Variants in KCNMB2 observed in about 807,000 individuals in gnomAD.
The protein encoded by KCNMB2 is calcium-activated potassium channel subunit beta-2.
A neutral mutation model predicts 24.5 loss-of-function variants in KCNMB2; 9 were observed. The ratio of observed to expected loss-of-function variants is 0.37; its 90% confidence interval spans 0.22 to 0.64. KCNMB2 has a LOEUF of 0.64. KCNMB2 is among the 30% of genes least tolerant of loss of function. The pLI is 0.63. For missense variants in KCNMB2, 226 were observed against 284.3 expected (o/e 0.79, Z 1.47); for synonymous variants, 109 against 104.4 (o/e 1.04, Z -0.27).
At chr3:178,797,203 G>C (rs1303823387) in intron 1 of KCNMB2, among the ~76,000 whole-genome samples, 1 of 151,994 alleles carries the variant, frequency 6.6e-6, no homozygotes, top group Non-Finnish European at 1.5e-5. Flanking sequence ...CTCAAAACCT[G>C]AATAGACCAA....
chr3:178,689,259 A>AT lies in KCNMB2; in HGVS notation c.-67-118078dup, dbSNP rs567229203. 3.7e-3 allele frequency among the ~76,000 whole-genome samples: 562 copies of AT among 152,262 alleles called. 3 individuals carry two copies. Among genetic ancestry groups the AT allele is most frequent in the African/African-American group, 0.013 (541 of 41,536 alleles). ...TATAATCCTGGACTTTTAATACCATATTTTTTATCTCATTTTATGGAACTT... is the reference window on the plus strand; with the variant it reads ...TATAATCCTGGACTTTTAATACCATATTTTTTTATCTCATTTTATGGAACTT... On this transcript the variant is annotated intron_variant, in intron 1 of 4. Coordinates refer to ENST00000452583, the MANE Select transcript of KCNMB2 (RefSeq NM_181361.3).
chr3:178,618,951 A>AT (rs1301296222), intron 1 of KCNMB2, among the ~76,000 whole-genome samples: 1 of 152,072 alleles, frequency 6.6e-6, no homozygotes, highest in Non-Finnish European at 1.5e-5. Context: ...GGGAATACAA[A>AT]TCACCTGTCC....
chr3:178,755,353 G>A (rs1377866662), intron 1 of KCNMB2, among the ~76,000 whole-genome samples: 1 of 152,184 alleles, frequency 6.6e-6, no homozygotes, highest in African/African-American at 2.4e-5. Flanking sequence ...CCACACTGGG[G>A]GTGGGAAGCA....
At chr3:178,573,867 A>C (rs1227963949) in intron 1 of KCNMB2, among the ~76,000 whole-genome samples, 2 of 152,060 alleles carry the variant, frequency 1.3e-5, no homozygotes, top group African/African-American at 4.8e-5. Context: ...GAAAAATGTA[A>C]GGCATTCACT....
chr3:178,750,030 G>C (rs1458655532), intron 1 of KCNMB2, among the ~76,000 whole-genome samples: 1 of 152,200 alleles, frequency 6.6e-6, no homozygotes, highest in Non-Finnish European at 1.5e-5. Flanking sequence ...AAGTAAGTAT[G>C]TTGTGTGCCT....
At chr3:178,688,519 T>C (rs774631635) in intron 1 of KCNMB2, among the ~76,000 whole-genome samples, 2 of 152,198 alleles carry the variant, frequency 1.3e-5, no homozygotes, top group Non-Finnish European at 2.9e-5. Context: ...ATGCCAACTT[T>C]AAGCTGAAGA....
intron 1 of KCNMB2, among the ~76,000 whole-genome samples, chr3:178,751,079 T>A (rs1723830792): frequency 6.6e-6 from 1 of 152,174 alleles, no homozygotes; most frequent in Admixed American, 6.5e-5. Flanking sequence ...AGTTTGCATT[T>A]TTTTTGCCTA....
chr3:178,656,072 G>C (rs945718994), intron 1 of KCNMB2, among the ~76,000 whole-genome samples: 2 of 152,096 alleles, frequency 1.3e-5, no homozygotes, highest in African/African-American at 4.8e-5. Context: ...CTCATAACCA[G>C]ACATGTAATT....
chr3:178,571,434 C>A (rs1346586585), intron 1 of KCNMB2, among the ~76,000 whole-genome samples: 1 of 85,850 alleles, frequency 1.2e-5, no homozygotes, highest in Non-Finnish European at 2.6e-5. Context: ...TGTGGATCTG[C>A]CTTTTCCTTA....
At chr3:178,798,743 G>A (rs148697035) in intron 1 of KCNMB2, among the ~76,000 whole-genome samples, 2 of 152,038 alleles carry the variant, frequency 1.3e-5, no homozygotes, top group African/African-American at 2.4e-5. Context: ...GTTGGGGGAG[G>A]GAGAGCATTG....
intron 1 of KCNMB2, among the ~76,000 whole-genome samples, chr3:178,730,366 A>T (rs1723104124): frequency 7.0e-6 from 1 of 142,646 alleles, no homozygotes; most frequent in Non-Finnish European, 1.5e-5. Context: ...TCAAATTTTG[A>T]ACTGCTTTCC....
chr3:178,778,502 A>C (rs1160825991), intron 1 of KCNMB2, among the ~76,000 whole-genome samples: 3 of 140,802 alleles, frequency 2.1e-5, no homozygotes, highest in Non-Finnish European at 3.1e-5. Context: ...ACACACACAC[A>C]CCTGTTCCAG....
rs201627319 is a variant in KCNMB2, at chr3:178,759,434, GATATATATAT to G, written c.-67-47894_-67-47885del. On this transcript the variant is annotated intron_variant, in intron 1 of 4. Coordinates refer to ENST00000452583, the MANE Select transcript of KCNMB2 (RefSeq NM_181361.3). ...ATATATATATATATCTCTCCAAGAG[GATATATATAT>G]ATATATATATATATCTCCAAGAGGA... Among the ~76,000 whole-genome samples, 15 of 17,628 alleles carry G rather than the reference GATATATATAT, an allele frequency of 8.5e-4. 2 individuals carry two copies. The highest frequency in any genetic ancestry group is 1.0e-3 in the African/African-American group (3 of 3,004). The allele number at this position is 17,628 out of a possible 152,430, so 11.6% of individuals were successfully genotyped here. A position where few individuals can be genotyped will look rare whatever the true frequency, so the allele number is the denominator to read the frequency against.
intron 3 of KCNMB2, 25 bp downstream of exon 3, chr3:178,825,783 C>T (rs1714810993): frequency 1.3e-6 from 2 of 1,577,014 alleles, no homozygotes; most frequent in Non-Finnish European, 1.7e-6. Flanking sequence ...TGGGTGGGAC[C>T]CTGCTGTTTG....
At chr3:178,608,279 A>G (rs149211677) in intron 1 of KCNMB2, among the ~76,000 whole-genome samples, 1 of 152,352 alleles carries the variant, frequency 6.6e-6, no homozygotes, top group East Asian at 1.9e-4. Flanking sequence ...ATAATCATTT[A>G]TTCCTGCAGG....
intron 1 of KCNMB2, among the ~76,000 whole-genome samples, chr3:178,604,690 T>C (rs1718211285): frequency 6.6e-6 from 1 of 152,210 alleles, no homozygotes; most frequent in African/African-American, 2.4e-5. Context: ...TGCTAGCACT[T>C]CCCTTGCCAA....
intron 1 of KCNMB2, among the ~76,000 whole-genome samples, chr3:178,654,496 G>T (rs1218687836): frequency 1.3e-5 from 2 of 152,076 alleles, no homozygotes; most frequent in African/African-American, 4.8e-5. Flanking sequence ...AAATGAGGAA[G>T]AAAATAATAA....
chr3:178,579,723 T>A (rs1487995639), intron 1 of KCNMB2, among the ~76,000 whole-genome samples: 2 of 152,064 alleles, frequency 1.3e-5, no homozygotes, highest in Non-Finnish European at 2.9e-5. Context: ...CAAACTACCA[T>A]CAGAGAACAC....
chr3:178,715,206 GCTGT>G (rs967278934), intron 1 of KCNMB2, among the ~76,000 whole-genome samples: 2 of 152,148 alleles, frequency 1.3e-5, no homozygotes, highest in African/African-American at 4.8e-5. Flanking sequence ...TTCTGAAACA[GCTGT>G]CTGTCTGCTT....
Sources: gnomAD v4.1 joint callset for allele counts (sites outside exome capture counted in the v4.1 genomes callset) on GRCh38, gnomAD v4.1.1 for gene constraint, MANE v1.5 for transcripts, NCBI Gene and HGNC (gene_info 2026-07-23, HGNC 2026-07-21) for gene names.